EFNA5: variants seen among roughly 807,000 people sequenced by gnomAD.
EFNA5 encodes ephrin-A5.
A neutral mutation model predicts 22.9 loss-of-function variants in EFNA5; 5 were observed. The ratio of observed to expected loss-of-function variants is 0.22; its 90% CI spans 0.11 to 0.46. The LOEUF (loss-of-function observed/expected upper bound fraction) is 0.46. Ranked by LOEUF, EFNA5 falls within the 20% of genes least tolerant of loss-of-function variation. The pLI, the probability that EFNA5 is intolerant of heterozygous loss-of-function variation, is 0.99. For synonymous variants in EFNA5, 113 were observed against 112.2 expected (o/e 1.01, Z -0.04); for missense variants, 237 against 293.3 (o/e 0.81, Z 1.40).
intron 1 of EFNA5, among the ~76,000 whole-genome samples, chr5:107,480,615 C>T (rs946254766): frequency 2.1e-4 from 32 of 152,282 alleles, no homozygotes; most frequent in Non-Finnish European, 3.8e-4. Context: ...ACACCAATTA[C>T]GTGAATACCT....
chr5:107,613,896 T>C (rs1439541025), intron 1 of EFNA5, among the ~76,000 whole-genome samples: 1 of 152,082 alleles, frequency 6.6e-6, no homozygotes, highest in Non-Finnish European at 1.5e-5. Flanking sequence ...GAGCCTCCAA[T>C]TCCATACGAT....
At chr5:107,527,411 C>T (rs867795792) in intron 1 of EFNA5, among the ~76,000 whole-genome samples, 17 of 152,114 alleles carry the variant, frequency 1.1e-4, no homozygotes, top group African/African-American at 3.1e-4. Flanking sequence ...CTCAGCCTCC[C>T]GAGTAGCTCG....
At chr5:107,615,399 G>C (rs375926569) in intron 1 of EFNA5, among the ~76,000 whole-genome samples, 2 of 152,052 alleles carry the variant, frequency 1.3e-5, no homozygotes, top group East Asian at 1.9e-4. Flanking sequence ...TCAGGGGGAG[G>C]GGGGAGTGGT....
intron 2 of EFNA5, among the ~76,000 whole-genome samples, chr5:107,426,654 ATACCAGT>A (rs2112420249): frequency 6.6e-6 from 1 of 152,356 alleles, no homozygotes; most frequent in Non-Finnish European, 1.5e-5. Flanking sequence ...AAACTCGCTC[ATACCAGT>A]TACCTTGGAA....
chr5:107,399,401 G>C (rs1435241818), intron 2 of EFNA5, among the ~76,000 whole-genome samples: 1 of 149,018 alleles, frequency 6.7e-6, no homozygotes, highest in African/African-American at 2.5e-5. Context: ...AGAAGAGAGA[G>C]AGAAGGAAGG....
chr5:107,670,640 G>C lies in EFNA5; in HGVS notation c.-27C>G, dbSNP rs200187971. 6.2e-3 allele frequency: 9,866 copies of C among 1,595,362 alleles called. 105 individuals are homozygous for C. Among genetic ancestry groups the C allele is most frequent in the Admixed American group, 0.044 (2,555 of 58,678 alleles). On this transcript the variant is annotated 5_prime_UTR_variant, in exon 1 of 5. Coordinates refer to ENST00000333274, the MANE Select transcript of EFNA5 (RefSeq NM_001962.3). ...ACGCCTGGCCAGCGGCGGAGCCCCC[G>C]ACGCGCCACTCCGGGGAGAGAGCGG...
chr5:107,641,825 T>C (rs1750518291), intron 1 of EFNA5, among the ~76,000 whole-genome samples: 1 of 152,194 alleles, frequency 6.6e-6, no homozygotes, highest in South Asian at 2.1e-4. Context: ...AATGGGTTTT[T>C]ATACCAACAG....
chr5:107,382,096 A>T (rs116045880), intron 4 of EFNA5, among the ~76,000 whole-genome samples: 1 of 152,338 alleles, frequency 6.6e-6, no homozygotes, highest in Non-Finnish European at 1.5e-5. Context: ...ATAAATTATC[A>T]GCGTGGATGC....
intron 1 of EFNA5, among the ~76,000 whole-genome samples, chr5:107,503,475 C>T (rs1747181557): frequency 6.6e-6 from 1 of 152,166 alleles, no homozygotes; most frequent in South Asian, 2.1e-4. Flanking sequence ...GAATTCCTCG[C>T]TGTTTTCAAT....
intron 1 of EFNA5, among the ~76,000 whole-genome samples, chr5:107,494,337 G>A (rs554765869): frequency 1.3e-5 from 2 of 152,206 alleles, no homozygotes; most frequent in Non-Finnish European, 2.9e-5. Context: ...CCCTGCACTG[G>A]GAGCAGCCGG....
intron 1 of EFNA5, among the ~76,000 whole-genome samples, chr5:107,487,914 C>T (rs1026797311): frequency 6.6e-6 from 1 of 152,194 alleles, no homozygotes; most frequent in South Asian, 2.1e-4. Context: ...GACCAGCTAG[C>T]AGACTACTGT....
chr5:107,572,555 A>C (rs1025764680), intron 1 of EFNA5, among the ~76,000 whole-genome samples: 2 of 152,224 alleles, frequency 1.3e-5, no homozygotes. Context: ...ACTGGAGAAA[A>C]TCTGGACTAA....
intron 2 of EFNA5, among the ~76,000 whole-genome samples, chr5:107,392,497 C>T (rs1747813815): frequency 6.6e-6 from 1 of 152,184 alleles, no homozygotes. Flanking sequence ...AATTGGCTAA[C>T]AATCGGGTGA....
intron 1 of EFNA5, among the ~76,000 whole-genome samples, chr5:107,430,243 C>G (rs528492999): frequency 1.8e-4 from 27 of 152,262 alleles, no homozygotes; most frequent in Non-Finnish European, 4.4e-5. Flanking sequence ...CTGCAAAGTT[C>G]AGATAAAAGG....
At chr5:107,443,548 C>T (rs1371720123) in intron 1 of EFNA5, among the ~76,000 whole-genome samples, 1 of 152,130 alleles carries the variant, frequency 6.6e-6, no homozygotes, top group Non-Finnish European at 1.5e-5. Context: ...TCTGTGACTG[C>T]CCTTTTTCTA....
rs1157373902 is a variant in EFNA5 at position 107,632,972 on chromosome 5, C to CACTAA, written c.125+37512_125+37516dup. 8.3e-4 allele frequency among the ~76,000 whole-genome samples: 126 copies of CACTAA among 152,064 alleles called. 1 individual carries two copies. The highest frequency in any genetic ancestry group is 8.1e-3 in the Admixed American group (124 of 15,264). ...CTTTTCTTTCTATGCCTTTAATCTG[C>CACTAA]ACTAAACTAATTCTGGTTACAAGGG... On this transcript the variant is annotated intron_variant, in intron 1 of 4. Transcript: ENST00000333274.
chr5:107,463,148 A>C (rs1749879598), intron 1 of EFNA5, among the ~76,000 whole-genome samples: 1 of 152,156 alleles, frequency 6.6e-6, no homozygotes, highest in Non-Finnish European at 1.5e-5. Flanking sequence ...TTTTGCTCTA[A>C]AATCTAACCA....
chr5:107,529,340 G>A (rs1462365371), intron 1 of EFNA5, among the ~76,000 whole-genome samples: 1 of 152,086 alleles, frequency 6.6e-6, no homozygotes, highest in Admixed American at 6.5e-5. Flanking sequence ...GTTAATGTCT[G>A]TACTAGATTC....
At chr5:107,515,146 T>C (rs745717610) in intron 1 of EFNA5, among the ~76,000 whole-genome samples, 1 of 152,100 alleles carries the variant, frequency 6.6e-6, no homozygotes, top group Non-Finnish European at 1.5e-5. Context: ...GTGATTCTCC[T>C]GCCTCAGCCT....
Sources: gnomAD v4.1 joint callset for allele counts (sites outside exome capture counted in the v4.1 genomes callset) on GRCh38, gnomAD v4.1.1 for gene constraint, MANE v1.5 for transcripts, NCBI Gene and HGNC (gene_info 2026-07-23, HGNC 2026-07-21) for gene names.